BBOX1: variants seen among roughly 807,000 people sequenced by gnomAD.
BBOX1 encodes the protein gamma-butyrobetaine dioxygenase.
In BBOX1, 35 loss-of-function variants were observed where a neutral mutation model predicts 41.6. That is an observed-to-expected ratio of 0.84 (90% CI 0.64 to 1.11). The LOEUF (loss-of-function observed/expected upper bound fraction) is 1.11, where lower values mean the gene tolerates loss of function less well. Ranked by LOEUF, BBOX1 falls within the 50% of genes most tolerant of loss-of-function variation. The probability of loss-of-function intolerance (pLI) is 0.00; values close to 1 mark genes in which losing one functional copy is unlikely to be tolerated. For synonymous variants in BBOX1, 163 were observed against 154.7 expected (o/e 1.05, Z -0.40); for missense variants, 458 against 460.6 (o/e 0.99, Z 0.05).
rs66505246 is a variant in BBOX1, at chr11:27,126,677, CTTTTTTTTT to C, written c.1004-608_1004-600del. Among the ~76,000 whole-genome samples the C allele has an allele frequency of 1.1e-4, 14 of 127,828 alleles. No homozygotes were observed. The East Asian group carries it at 3.0e-3, about 28-fold the overall frequency. 83.9% of individuals were successfully genotyped at this position (127,828 alleles called of 152,430 possible). A position where few individuals can be genotyped will look rare whatever the true frequency, so the allele number is the denominator to read the frequency against. On this transcript the variant is annotated intron_variant, in intron 8 of 8. Coordinates refer to ENST00000263182, the MANE Select transcript of BBOX1 (RefSeq NM_003986.3). ...CTGAGAAGAAACATTTCTTTTTTTT[CTTTTTTTTT>C]TTTTTTTGAGACGGAGTCTTGCTCT...
intron 4 of BBOX1, among the ~76,000 whole-genome samples, chr11:27,059,785 C>A (rs1857085943): frequency 1.3e-5 from 2 of 152,152 alleles, no homozygotes; most frequent in African/African-American, 4.8e-5. Context: ...GGGTTTTGGA[C>A]TTGCATGGGC....
chr11:27,052,667 A>G (rs557471783), intron 2 of BBOX1, among the ~76,000 whole-genome samples: 1 of 152,202 alleles, frequency 6.6e-6, no homozygotes, highest in East Asian at 1.9e-4. Flanking sequence ...ATCTTCTTAA[A>G]TCCAACTTAT....
At chr11:27,086,097 G>C (rs1858028989) in intron 4 of BBOX1, among the ~76,000 whole-genome samples, 3 of 152,136 alleles carry the variant, frequency 2.0e-5, no homozygotes, top group Non-Finnish European at 4.4e-5. Flanking sequence ...TTTATAACAT[G>C]AAAGTGCAAG....
At chr11:27,044,256 C>G (rs544159404) in intron 2 of BBOX1, among the ~76,000 whole-genome samples, 1 of 152,132 alleles carries the variant, frequency 6.6e-6, no homozygotes, top group African/African-American at 2.4e-5. Context: ...TGAGAAGTGT[C>G]TGTTCATATC....
intron 4 of BBOX1, among the ~76,000 whole-genome samples, chr11:27,074,161 A>G (rs1857560367): frequency 6.6e-6 from 1 of 151,924 alleles, no homozygotes; most frequent in African/African-American, 2.4e-5. Context: ...CATGACTGTA[A>G]CTTTCCTGAG....
intron 5 of BBOX1, among the ~76,000 whole-genome samples, chr11:27,095,637 AC>A (rs1487969807): frequency 6.6e-6 from 1 of 151,928 alleles, no homozygotes; most frequent in Non-Finnish European, 1.5e-5. Flanking sequence ...TTTCCAGCTT[AC>A]CCCTTACTTC....
intron 4 of BBOX1, among the ~76,000 whole-genome samples, chr11:27,075,057 C>A (rs1857589145): frequency 6.6e-6 from 1 of 152,140 alleles, no homozygotes; most frequent in African/African-American, 2.4e-5. Flanking sequence ...TTTATACTTG[C>A]CAGAATTATT....
chr11:27,095,702 T>C (rs1217214874), intron 5 of BBOX1, among the ~76,000 whole-genome samples: 1 of 152,048 alleles, frequency 6.6e-6, no homozygotes, highest in Non-Finnish European at 1.5e-5. Context: ...TTTAATTCTC[T>C]ACCTCAAGAA....
At chr11:27,073,612 C>T (rs1203143296) in intron 4 of BBOX1, among the ~76,000 whole-genome samples, 2 of 151,650 alleles carry the variant, frequency 1.3e-5, no homozygotes, top group South Asian at 2.1e-4. Flanking sequence ...TAAATGCACA[C>T]GTATGTTTAT....
intron 3 of BBOX1, among the ~76,000 whole-genome samples, chr11:27,056,680 C>T (rs986533873): frequency 7.2e-5 from 11 of 152,172 alleles, no homozygotes; most frequent in Admixed American, 1.3e-4. Flanking sequence ...TCTATCCATG[C>T]TCTATTTCTT....
intron 5 of BBOX1, among the ~76,000 whole-genome samples, chr11:27,103,121 C>T (rs191614710): frequency 5.9e-5 from 9 of 152,078 alleles, no homozygotes; most frequent in African/African-American, 1.9e-4. Context: ...ACCCACGAGG[C>T]GGAGGTTGCA....
chr11:27,113,912 G>A (rs535888009), intron 5 of BBOX1, among the ~76,000 whole-genome samples: 2 of 151,424 alleles, frequency 1.3e-5, no homozygotes, highest in Non-Finnish European at 3.0e-5. Flanking sequence ...CAGCCAGAGC[G>A]ATTAGACAAT....
intron 4 of BBOX1, among the ~76,000 whole-genome samples, chr11:27,089,870 T>G (rs905980919): frequency 6.6e-6 from 1 of 152,020 alleles, no homozygotes; most frequent in Non-Finnish European, 1.5e-5. Flanking sequence ...CAAATGACCT[T>G]TCTAGTTAGG....
intron 4 of BBOX1, among the ~76,000 whole-genome samples, chr11:27,058,454 T>C (rs753542394): frequency 4.6e-5 from 7 of 152,190 alleles, no homozygotes; most frequent in South Asian, 2.1e-4. Flanking sequence ...AGAAGCAGCT[T>C]TGGAACTGGG....
intron 4 of BBOX1, among the ~76,000 whole-genome samples, chr11:27,079,710 G>GA (rs1433988687): frequency 6.6e-6 from 1 of 151,928 alleles, no homozygotes; most frequent in Non-Finnish European, 1.5e-5. Context: ...AAACAATAAG[G>GA]AAAAAAATGA....
At chr11:27,042,636 C>T (rs1316162152) in intron 2 of BBOX1, among the ~76,000 whole-genome samples, 1 of 151,972 alleles carries the variant, frequency 6.6e-6, no homozygotes. Flanking sequence ...GGCCACTGTA[C>T]CTGGCTTCTA....
rs149990416 is a variant in BBOX1, at chr11:27,091,306, G to A, written c.335-1862G>A. Among the ~76,000 whole-genome samples, 77 of 152,016 alleles carry A rather than the reference G, an allele frequency of 5.1e-4. 1 individual carries two copies. The East Asian group carries it at 0.012, about 24-fold the overall frequency. ...TCCATGTCAAATTCTCCTATAGACT[G>A]TGAACTCTTCAAAACCTACTGCATA... On this transcript the variant is annotated intron_variant, in intron 4 of 8. Coordinates refer to ENST00000263182, the MANE Select transcript of BBOX1 (RefSeq NM_003986.3).
chr11:27,067,214 G>A (rs1171896666), intron 4 of BBOX1, among the ~76,000 whole-genome samples: 1 of 151,878 alleles, frequency 6.6e-6, no homozygotes, highest in African/African-American at 2.4e-5. Context: ...TTTTAAAATA[G>A]GTTTATTTCT....
At chr11:27,051,384 G>A (rs1292145429) in intron 2 of BBOX1, among the ~76,000 whole-genome samples, 1 of 151,904 alleles carries the variant, frequency 6.6e-6, no homozygotes, top group South Asian at 2.1e-4. Flanking sequence ...GTCAATTTTT[G>A]GGGAAAATTT....
Sources: gnomAD v4.1 joint callset for allele counts (sites outside exome capture counted in the v4.1 genomes callset) on GRCh38, gnomAD v4.1.1 for gene constraint, MANE v1.5 for transcripts, NCBI Gene and HGNC (gene_info 2026-07-23, HGNC 2026-07-21) for gene names.